Variants in COL19A1 observed in about 807,000 individuals in gnomAD.
COL19A1 encodes the protein collagen type XIX alpha 1 chain, also known as collagen alpha-1(XIX) chain.
In COL19A1, 159 loss-of-function variants were observed where a neutral mutation model predicts 190.2. That is an observed-to-expected ratio of 0.84 (90% CI 0.73 to 0.95). The LOEUF (loss-of-function observed/expected upper bound fraction) is 0.95, where lower values mean the gene tolerates loss of function less well. COL19A1 is among the 40% of genes least tolerant of loss of function. COL19A1 has a pLI of 0.00. For missense variants in COL19A1, 1,418 were observed against 1,431.9 expected (o/e 0.99, Z 0.16); for synonymous variants, 509 against 458.9 (o/e 1.11, Z -1.39).
Position 70,209,230 on chromosome 6 carries a change from C to T in COL19A1, c.*1956C>T, listed in dbSNP as rs865796310. ...TGTTGAATTTTCTAAACGCTTACAA[C>T]TTATCTGCCACTCATATTAATTTAC... On this transcript the variant is annotated 3_prime_UTR_variant, in exon 51 of 51. Transcript: ENST00000620364. 6.6e-6 allele frequency: 1 copy of T among 152,512 alleles called. No homozygotes were observed. The highest frequency in any genetic ancestry group is 1.5e-5 in the Non-Finnish European group (1 of 68,008). The allele number at this position is 152,512 out of a possible 1,614,324, so 9.4% of individuals were successfully genotyped here.
intron 9 of COL19A1, among the ~76,000 whole-genome samples, chr6:69,943,151 T>A (rs1040662660): frequency 2.0e-5 from 3 of 152,110 alleles, no homozygotes; most frequent in Admixed American, 6.6e-5. Context: ...ATGATTAATG[T>A]TGAGCATTTT....
chr6:70,138,900 G>C (rs1227890313), intron 19 of COL19A1, among the ~76,000 whole-genome samples: 1 of 151,946 alleles, frequency 6.6e-6, no homozygotes, highest in Non-Finnish European at 1.5e-5. Flanking sequence ...ATCCAGCCTG[G>C]TGCATGCCCC....
intron 1 of COL19A1, among the ~76,000 whole-genome samples, chr6:69,874,830 T>A (rs1768045734): frequency 6.6e-6 from 1 of 152,220 alleles, no homozygotes; most frequent in Non-Finnish European, 1.5e-5. Context: ...TAAGATCTTG[T>A]AATGCCTTAA....
rs1359630699 is a variant in COL19A1 at position 70,063,827 on chromosome 6, C to G, written c.1171-4596C>G. 2.6e-5 allele frequency among the ~76,000 whole-genome samples: 4 copies of G among 152,206 alleles called. No homozygotes were observed. The South Asian group carries it at 8.3e-4, about 32-fold the overall frequency. On this transcript the variant is annotated intron_variant, in intron 14 of 50. Transcript: ENST00000620364. The stretch of plus-strand genomic sequence containing the variant: ...CTGATCCCACAGAAATACAAACTAC[C>G]ATAAGAGAATACTATAAACACCTCT...
At chr6:70,074,061 C>A (rs1231847123) in intron 15 of COL19A1, among the ~76,000 whole-genome samples, 1 of 152,106 alleles carries the variant, frequency 6.6e-6, no homozygotes, top group African/African-American at 2.4e-5. Flanking sequence ...TTTCCTTAAG[C>A]TTATTTGTTT....
chr6:69,918,464 A>G (rs990100977), intron 4 of COL19A1, among the ~76,000 whole-genome samples: 10 of 152,316 alleles, frequency 6.6e-5, no homozygotes, highest in Admixed American at 1.3e-4. Flanking sequence ...GGGGAGGCCA[A>G]TGCAGATGTA....
intron 9 of COL19A1, among the ~76,000 whole-genome samples, chr6:69,948,094 A>C (rs1269758980): frequency 6.6e-6 from 1 of 151,860 alleles, no homozygotes; most frequent in Non-Finnish European, 1.5e-5. Flanking sequence ...ATCTAAATTT[A>C]CCTTGTACCC....
At chr6:70,023,135 T>C (rs1778513604) in intron 11 of COL19A1, among the ~76,000 whole-genome samples, 1 of 139,544 alleles carries the variant, frequency 7.2e-6, no homozygotes, top group South Asian at 2.2e-4. Context: ...ATGCAGCTAT[T>C]TTTTTTTTTT....
chr6:69,950,370 G>T (rs1774052804), intron 9 of COL19A1, among the ~76,000 whole-genome samples: 1 of 151,848 alleles, frequency 6.6e-6, no homozygotes, highest in African/African-American at 2.4e-5. Context: ...CAGACTTGCA[G>T]TAGACATTCT....
intron 9 of COL19A1, among the ~76,000 whole-genome samples, chr6:69,956,977 T>C (rs577811360): frequency 6.6e-6 from 1 of 152,198 alleles, no homozygotes; most frequent in African/African-American, 2.4e-5. Context: ...CAGGATAGTA[T>C]GTAACTTTCT....
At chr6:70,176,325 G>A (rs1312767796) in intron 41 of COL19A1, among the ~76,000 whole-genome samples, 195 bp from the exon 42 acceptor site, 2 of 152,080 alleles carry the variant, frequency 1.3e-5, no homozygotes, top group Non-Finnish European at 2.9e-5. Context: ...AAGCTGTAAC[G>A]AGTTCAGTTG....
rs1417664849 is a variant in COL19A1 at position 70,199,797 on chromosome 6, T to G, written c.3223+61T>G. 4.0e-6 allele frequency: 6 copies of G among 1,510,966 alleles called. No individual in the cohort carries two copies. In the African/African-American group the frequency reaches 4.2e-5, roughly 10 times the overall value. The allele number at this position is 1,510,966 out of a possible 1,614,324, so 93.6% of individuals were successfully genotyped here. A position where few individuals can be genotyped will look rare whatever the true frequency, so the allele number is the denominator to read the frequency against. On this transcript the variant is annotated intron_variant, in intron 49 of 50. Transcript: ENST00000620364. ...TTAACTCTCTGTATTTATAACATGT[T>G]AGTCACAGTTAAGGAAAAAAGTATG...
At chr6:70,090,055 G>A (rs1270545292) in intron 15 of COL19A1, among the ~76,000 whole-genome samples, 2 of 152,006 alleles carry the variant, frequency 1.3e-5, no homozygotes, top group African/African-American at 2.4e-5. Context: ...GCACATACCT[G>A]TAGTCCCAGC....
At chr6:70,180,097 G>A (rs1006888023) in intron 42 of COL19A1, among the ~76,000 whole-genome samples, 14 of 152,116 alleles carry the variant, frequency 9.2e-5, no homozygotes, top group Non-Finnish European at 1.9e-4. Flanking sequence ...CGTTGGCCAG[G>A]CTAGTCTTGA....
intron 16 of COL19A1, among the ~76,000 whole-genome samples, chr6:70,115,229 G>A (rs1226251844): frequency 1.3e-5 from 2 of 152,104 alleles, no homozygotes; most frequent in Admixed American, 1.3e-4. Flanking sequence ...TGGGAAATAT[G>A]TAATGAACAA....
At chr6:70,136,329 G>A (rs1478364333) in intron 18 of COL19A1, among the ~76,000 whole-genome samples, 1 of 152,116 alleles carries the variant, frequency 6.6e-6, no homozygotes, top group East Asian at 1.9e-4. Flanking sequence ...ACAGGGGTCA[G>A]GATTAGAGAT....
At chr6:69,976,321 G>A (rs969627743) in intron 11 of COL19A1, among the ~76,000 whole-genome samples, 3 of 152,136 alleles carry the variant, frequency 2.0e-5, no homozygotes, top group East Asian at 1.9e-4. Context: ...GTTTGATGCC[G>A]ACTATAATCC....
chr6:69,942,999 T>C (rs1051271634), intron 9 of COL19A1, among the ~76,000 whole-genome samples: 12 of 152,150 alleles, frequency 7.9e-5, no homozygotes, highest in Admixed American at 3.9e-4. Context: ...ATAGCTATAC[T>C]AATTTACATT....
intron 2 of COL19A1, among the ~76,000 whole-genome samples, chr6:69,888,495 AGAG>A (rs1415552637): frequency 6.6e-6 from 1 of 152,034 alleles, no homozygotes; most frequent in African/African-American, 2.4e-5. Flanking sequence ...AAGAGAGGAC[AGAG>A]GAGAAGAAAG....
Sources: gnomAD v4.1 joint callset for allele counts (sites outside exome capture counted in the v4.1 genomes callset) on GRCh38, gnomAD v4.1.1 for gene constraint, MANE v1.5 for transcripts, NCBI Gene and HGNC (gene_info 2026-07-23, HGNC 2026-07-21) for gene names.